CEP128: variants seen among roughly 807,000 people sequenced by gnomAD.
The protein encoded by CEP128 is centrosomal protein 128.
In CEP128, 132 loss-of-function variants were observed where a neutral mutation model predicts 156.7. The observed-to-expected ratio is 0.84, with a 90% CI of 0.73 to 0.97. The LOEUF is 0.97. Among genes scored for constraint, CEP128 ranks in the 50% least tolerant of loss-of-function variants. The pLI, the probability that CEP128 is intolerant of heterozygous loss-of-function variation, is 0.00. For synonymous variants in CEP128, 469 were observed against 448.9 expected, an observed-to-expected ratio of 1.04 and a Z score of -0.57; for missense variants, 1,252 against 1,281.9, an observed-to-expected ratio of 0.98 and a Z score of 0.36.
exon 15 of CEP128, chr14:80,477,225 C>T (rs1025139977): frequency 7.9e-5 from 12 of 152,132 alleles, no homozygotes; most frequent in African/African-American, 2.4e-4. Context: ...TATGAAAATC[C>T]ATATATTCTA....
At chr14:80,857,934 G>T (rs1000586899) in intron 9 of CEP128, among the ~76,000 whole-genome samples, 12 of 152,064 alleles carry the variant, frequency 7.9e-5, no homozygotes, top group African/African-American at 2.9e-4. Context: ...AATGTATGAA[G>T]GTCCTTACCA....
chr14:80,634,288 T>C (rs1462703683), intron 19 of CEP128, among the ~76,000 whole-genome samples: 1 of 152,212 alleles, frequency 6.6e-6, no homozygotes, highest in Non-Finnish European at 1.5e-5. Flanking sequence ...TACATTCTAA[T>C]AGATGAGTGA....
chr14:80,514,784 T>C (rs1888411833), intron 23 of CEP128: 2 of 241,482 alleles, frequency 8.3e-6, no homozygotes, highest in Non-Finnish European at 1.8e-5. Flanking sequence ...TGGGGGATAT[T>C]TGTCGATGTC....
chr14:80,662,654 T>C (rs1322049867), intron 19 of CEP128, among the ~76,000 whole-genome samples: 1 of 152,202 alleles, frequency 6.6e-6, no homozygotes, highest in Non-Finnish European at 1.5e-5. Context: ...AATATAATGA[T>C]TATTTTTCCA....
intron 19 of CEP128, among the ~76,000 whole-genome samples, chr14:80,696,244 G>A (rs1455150472): frequency 6.6e-6 from 1 of 152,086 alleles, no homozygotes; most frequent in African/African-American, 2.4e-5. Flanking sequence ...AATAACATAA[G>A]ACAAGTAGTA....
At chr14:80,841,820 G>A (rs1263795059) in intron 9 of CEP128, among the ~76,000 whole-genome samples, 1 of 151,882 alleles carries the variant, frequency 6.6e-6, no homozygotes, top group Non-Finnish European at 1.5e-5. Context: ...AACTTATAGG[G>A]TAGTGGTGAA....
chr14:80,642,560 G>A (rs917136566), intron 19 of CEP128, among the ~76,000 whole-genome samples: 1 of 152,052 alleles, frequency 6.6e-6, no homozygotes, highest in South Asian at 2.1e-4. Context: ...GTGCATGCTT[G>A]TGGTCCCAAC....
At chr14:80,849,046 G>A (rs916870262) in intron 9 of CEP128, among the ~76,000 whole-genome samples, 15 of 152,092 alleles carry the variant, frequency 9.9e-5, no homozygotes, top group Non-Finnish European at 1.2e-4. Flanking sequence ...CAGCAAAAGA[G>A]GAGATGTAGT....
intron 2 of CEP128, among the ~76,000 whole-genome samples, chr14:80,924,742 T>C (rs973518707): frequency 6.6e-6 from 1 of 152,158 alleles, no homozygotes; most frequent in Non-Finnish European, 1.5e-5. Context: ...GGGTTTTTTT[T>C]AATGATTCTA....
At chr14:80,733,460 G>T (rs147376529) in intron 19 of CEP128, among the ~76,000 whole-genome samples, 1 of 151,784 alleles carries the variant, frequency 6.6e-6, no homozygotes, top group East Asian at 1.9e-4. Flanking sequence ...AATACAGGTG[G>T]TCTAAACAGA....
At chr14:80,668,954 G>A (rs1223581662) in intron 19 of CEP128, among the ~76,000 whole-genome samples, 1 of 152,140 alleles carries the variant, frequency 6.6e-6, no homozygotes, top group African/African-American at 2.4e-5. Context: ...CATCCTTCCT[G>A]TTCTACCATG....
At chr14:80,729,016 G>C (rs1898128142) in intron 19 of CEP128, among the ~76,000 whole-genome samples, 1 of 148,390 alleles carries the variant, frequency 6.7e-6, no homozygotes. Flanking sequence ...CCTTTAACTG[G>C]GAACAGCAAG....
chr14:80,683,204 C>A (rs1896391087), intron 19 of CEP128, among the ~76,000 whole-genome samples: 1 of 152,128 alleles, frequency 6.6e-6, no homozygotes, highest in Non-Finnish European at 1.5e-5. Context: ...GACCATCCAT[C>A]TGCTCTTTTC....
At chr14:80,562,173 G>A (rs551763336) in intron 20 of CEP128, among the ~76,000 whole-genome samples, 13 of 151,960 alleles carry the variant, frequency 8.6e-5, no homozygotes, top group East Asian at 7.7e-4. Context: ...TGATCCACCC[G>A]TCTCAGCCTC....
chr14:80,952,078 C>T (rs1302836176), intron 2 of CEP128, among the ~76,000 whole-genome samples: 1 of 152,038 alleles, frequency 6.6e-6, no homozygotes, highest in Non-Finnish European at 1.5e-5. Context: ...TTTCAGTACC[C>T]ATGTCTCAAC....
intron 19 of CEP128, among the ~76,000 whole-genome samples, chr14:80,657,724 AT>A (rs767886529): frequency 6.6e-6 from 1 of 152,144 alleles, no homozygotes; most frequent in Non-Finnish European, 1.5e-5. Context: ...TGATTTCTAC[AT>A]GTAATTCCCA....
At position 80,831,321 on chromosome 14, in the gene CEP128, G is replaced by C; in HGVS notation, c.1058-27C>G. On this transcript the variant is annotated intron_variant, in intron 12 of 24. Transcript: ENST00000555265. Reference sequence around the variant, plus strand: ...TTAAAAGATAAAATGTAAGGCTCAAGGGTTGTTCTTTATTCACAGAAGAAT... The same window carrying C: ...TTAAAAGATAAAATGTAAGGCTCAACGGTTGTTCTTTATTCACAGAAGAAT... The C allele has an allele frequency of 1.9e-6, 3 of 1,610,506 alleles. No homozygotes were observed. The East Asian group carries it at 6.7e-5, about 36-fold the overall frequency.
At chr14:80,795,272 C>T (rs371243334) in intron 13 of CEP128, among the ~76,000 whole-genome samples, 4 of 152,176 alleles carry the variant, frequency 2.6e-5, no homozygotes, top group Non-Finnish European at 5.9e-5. Flanking sequence ...CCTGACTCCA[C>T]CCTCTTCCCA....
At chr14:80,762,904 C>G (rs927614020) in intron 16 of CEP128, among the ~76,000 whole-genome samples, 2 of 152,130 alleles carry the variant, frequency 1.3e-5, no homozygotes, top group African/African-American at 4.8e-5. Flanking sequence ...TTTTGGTACT[C>G]AGAGAGGTAC....
Sources: gnomAD v4.1 joint callset for allele counts (sites outside exome capture counted in the v4.1 genomes callset) on GRCh38, gnomAD v4.1.1 for gene constraint, MANE v1.5 for transcripts, NCBI Gene and HGNC (gene_info 2026-07-23, HGNC 2026-07-21) for gene names.